The following IGF1R variants were observed in gnomAD, a reference collection of about 807,000 sequenced individuals.
IGF1R encodes the protein insulin like growth factor 1 receptor.
A neutral mutation model predicts 144.6 loss-of-function variants in IGF1R; 44 were observed. That is an observed-to-expected ratio of 0.30 (90% CI 0.24 to 0.39). The LOEUF (loss-of-function observed/expected upper bound fraction) is 0.39, where lower values mean the gene tolerates loss of function less well. Among genes scored for constraint, IGF1R ranks in the 10% least tolerant of loss-of-function variants. The pLI is 1.00. For synonymous variants in IGF1R, 795 were observed against 722.8 expected (o/e 1.10, Z -1.60); for missense variants, 1,355 against 1,833.7 (o/e 0.74, Z 4.77).
intron 5 of IGF1R, among the ~76,000 whole-genome samples, chr15:98,901,993 G>A (rs1442029698): frequency 6.6e-6 from 1 of 152,216 alleles, no homozygotes; most frequent in East Asian, 1.9e-4. Context: ...ACGTATTCAA[G>A]GCTTTTGAAT....
At chr15:98,868,370 T>TTTG (rs71149424) in intron 2 of IGF1R, among the ~76,000 whole-genome samples, 10 of 122,778 alleles carry the variant, frequency 8.1e-5, no homozygotes, top group Non-Finnish European at 9.8e-5. Flanking sequence ...TTTTTTTTTT[T>TTTG]GGGGGGGGGG....
intron 2 of IGF1R, among the ~76,000 whole-genome samples, chr15:98,859,280 A>G (rs1434336424): frequency 6.6e-6 from 1 of 152,210 alleles, no homozygotes; most frequent in Non-Finnish European, 1.5e-5. Context: ...GGTAGATTCT[A>G]CCAACATTGT....
chr15:98,743,402 A>G (rs2054792300), intron 2 of IGF1R, among the ~76,000 whole-genome samples: 1 of 152,194 alleles, frequency 6.6e-6, no homozygotes, highest in African/African-American at 2.4e-5. Context: ...GTAAATGCCC[A>G]CTAGGCACCC....
intron 2 of IGF1R, among the ~76,000 whole-genome samples, chr15:98,889,000 T>A (rs564300896): frequency 5.8e-4 from 89 of 152,344 alleles, no homozygotes; most frequent in African/African-American, 2.1e-3. Context: ...GGCCATGCCC[T>A]CTTTGTTCTC....
At chr15:98,667,117 A>C (rs1248142944) in intron 1 of IGF1R, among the ~76,000 whole-genome samples, 1 of 152,092 alleles carries the variant, frequency 6.6e-6, no homozygotes, top group Non-Finnish European at 1.5e-5. Context: ...TCTGTTTTCT[A>C]TATCAAGAGA....
At chr15:98,705,998 A>C (rs2053852521) in intron 1 of IGF1R, among the ~76,000 whole-genome samples, 2 of 152,210 alleles carry the variant, frequency 1.3e-5, no homozygotes, top group South Asian at 4.1e-4. Context: ...CGAGCTTTAA[A>C]TCCTAGGCAC....
intron 3 of IGF1R, among the ~76,000 whole-genome samples, chr15:98,894,626 A>G (rs2014087091): frequency 6.6e-6 from 1 of 152,254 alleles, no homozygotes; most frequent in South Asian, 2.1e-4. Context: ...GATTATAGCC[A>G]GGCACGGCGG....
intron 1 of IGF1R, among the ~76,000 whole-genome samples, chr15:98,653,527 G>T (rs2052418626): frequency 6.6e-6 from 1 of 152,308 alleles, no homozygotes; most frequent in East Asian, 1.9e-4. Context: ...CTGAGCAGGA[G>T]AAAGAATCTT....
intron 1 of IGF1R, among the ~76,000 whole-genome samples, chr15:98,696,493 A>G (rs955821744): frequency 2.0e-5 from 3 of 152,218 alleles, no homozygotes; most frequent in African/African-American, 7.2e-5. Context: ...TAGACCAAGT[A>G]TGTGTTCCTG....
At chr15:98,655,805 A>G (rs1407926848) in intron 1 of IGF1R, among the ~76,000 whole-genome samples, 1 of 148,992 alleles carries the variant, frequency 6.7e-6, no homozygotes, top group Non-Finnish European at 1.5e-5. Context: ...TTCTGCCTTG[A>G]CCTCCCAGGC....
intron 1 of IGF1R, among the ~76,000 whole-genome samples, chr15:98,692,173 C>A (rs28695338): frequency 0.13 from 19,129 of 151,886 alleles, 2,339 homozygotes; most frequent in African/African-American, 0.32. Context: ...CCATCTCTAC[C>A]AAAAATACAA....
At position 98,957,778 on chromosome 15, in the gene IGF1R, C is replaced by T. The variant is rs746689600; in HGVS notation, c.*336C>T. 56 of 385,742 alleles carry T rather than the reference C, an allele frequency of 1.5e-4. No homozygotes were observed. Among genetic ancestry groups the T allele is most frequent in the Non-Finnish European group, 2.4e-4 (51 of 212,470 alleles). The allele number at this position is 385,742 out of a possible 1,614,324, so 23.9% of individuals were successfully genotyped here. On this transcript the variant is annotated 3_prime_UTR_variant, in exon 21 of 21. Coordinates refer to ENST00000650285, the MANE Select transcript of IGF1R (RefSeq NM_000875.5). ...CTTCCCTGTTCTCCCTTTCTCTCTC[C>T]TCTCTGCTTCATAACGGAAAAATAA...
intron 2 of IGF1R, among the ~76,000 whole-genome samples, chr15:98,857,301 C>T (rs1439168359): frequency 1.3e-5 from 2 of 152,180 alleles, no homozygotes; most frequent in East Asian, 1.9e-4. Context: ...TCATTGCAAC[C>T]TCCACCTCCC....
At chr15:98,810,532 C>G (rs1482514047) in intron 2 of IGF1R, among the ~76,000 whole-genome samples, 1 of 151,266 alleles carries the variant, frequency 6.6e-6, no homozygotes, top group African/African-American at 2.4e-5. Context: ...AAATCAGATT[C>G]TAAATGATTT....
Position 98,785,373 on chromosome 15 carries a change from T to C in IGF1R, c.640+77266T>C, listed in dbSNP as rs543162637. On this transcript the variant is annotated intron_variant, in intron 2 of 20. Transcript: ENST00000650285. Reference sequence around the variant, plus strand: ...ATGTCACAATTCCCTCTTCCCTTTGTAGCATATGAAAGTAGTTGTGTGTGC... The same window carrying C: ...ATGTCACAATTCCCTCTTCCCTTTGCAGCATATGAAAGTAGTTGTGTGTGC... 3.3e-5 allele frequency among the ~76,000 whole-genome samples: 5 copies of C among 152,354 alleles called. No individual in the cohort carries two copies. The East Asian group carries it at 7.7e-4, about 24-fold the overall frequency.
At chr15:98,886,998 C>G (rs1318252224) in intron 2 of IGF1R, among the ~76,000 whole-genome samples, 1 of 152,244 alleles carries the variant, frequency 6.6e-6, no homozygotes, top group Non-Finnish European at 1.5e-5. Context: ...CTCCCCATCA[C>G]ATTCCATTGC....
At chr15:98,873,118 T>A (rs1181186666) in intron 2 of IGF1R, among the ~76,000 whole-genome samples, 2 of 152,126 alleles carry the variant, frequency 1.3e-5, no homozygotes, top group East Asian at 3.9e-4. Flanking sequence ...GTAAAGCTGC[T>A]CCAGTGGGAG....
At chr15:98,929,322 G>A (rs574190341) in intron 13 of IGF1R, among the ~76,000 whole-genome samples, 9 of 152,162 alleles carry the variant, frequency 5.9e-5, no homozygotes, top group African/African-American at 1.9e-4. Context: ...AGAATATACT[G>A]TACTTTAAAA....
chr15:98,821,151 A>G (rs941786217), intron 2 of IGF1R, among the ~76,000 whole-genome samples: 3 of 152,180 alleles, frequency 2.0e-5, no homozygotes, highest in African/African-American at 7.2e-5. Context: ...ATCAAGGAGA[A>G]CTCAGGCGTC....
Sources: gnomAD v4.1 joint callset for allele counts (sites outside exome capture counted in the v4.1 genomes callset) on GRCh38, gnomAD v4.1.1 for gene constraint, MANE v1.5 for transcripts, NCBI Gene and HGNC (gene_info 2026-07-23, HGNC 2026-07-21) for gene names.